DLG2: variants seen among roughly 807,000 people sequenced by gnomAD.
DLG2 encodes discs large MAGUK scaffold protein 2.
A neutral mutation model predicts 132.5 loss-of-function variants in DLG2; 45 were observed. The observed-to-expected ratio is 0.34, with a 90% CI of 0.27 to 0.44. The LOEUF (loss-of-function observed/expected upper bound fraction) is 0.44. DLG2 is among the 20% of genes least tolerant of loss of function. The probability of loss-of-function intolerance (pLI) is 1.00; values close to 1 mark genes in which losing one functional copy is unlikely to be tolerated. For synonymous variants in DLG2, 424 were observed against 419.6 expected (o/e 1.01, Z -0.13); for missense variants, 1,045 against 1,196.9 (o/e 0.87, Z 1.87).
At chr11:84,087,274 C>A (rs1370351691) in intron 10 of DLG2, among the ~76,000 whole-genome samples, 3 of 152,168 alleles carry the variant, frequency 2.0e-5, no homozygotes, top group Non-Finnish European at 4.4e-5. Context: ...TCCCACCAGG[C>A]ATGCTGAGGG....
At chr11:84,564,777 G>A (rs764335835) in intron 6 of DLG2, among the ~76,000 whole-genome samples, 4 of 152,132 alleles carry the variant, frequency 2.6e-5, no homozygotes, top group Non-Finnish European at 4.4e-5. Context: ...GTGAGTGCCT[G>A]GCTGCTGCCA....
chr11:84,290,941 G>A (rs2097985185), intron 7 of DLG2, among the ~76,000 whole-genome samples: 1 of 151,822 alleles, frequency 6.6e-6, no homozygotes, highest in South Asian at 2.1e-4. Flanking sequence ...CTAAAAATGG[G>A]GAAGAAAAGT....
At chr11:84,963,384 A>G in intron 6 of DLG2, among the ~76,000 whole-genome samples, 1 of 152,208 alleles carries the variant, frequency 6.6e-6, no homozygotes, top group Non-Finnish European at 1.5e-5. Context: ...CTCATCAGAG[A>G]GAGAGCTGCA....
intron 7 of DLG2, among the ~76,000 whole-genome samples, chr11:84,515,183 G>T (rs2154515047): frequency 6.6e-6 from 1 of 151,062 alleles, no homozygotes; most frequent in East Asian, 1.9e-4. Flanking sequence ...TCATACAATG[G>T]CAGTGAGGAG....
At chr11:84,400,028 T>C (rs1601457990) in intron 7 of DLG2, among the ~76,000 whole-genome samples, 1 of 152,206 alleles carries the variant, frequency 6.6e-6, no homozygotes, top group East Asian at 1.9e-4. Flanking sequence ...AGTTAATACA[T>C]GTTTGAAAAT....
At chr11:85,087,447 A>T (rs888710989) in intron 6 of DLG2, among the ~76,000 whole-genome samples, 3 of 152,258 alleles carry the variant, frequency 2.0e-5, no homozygotes, top group African/African-American at 7.2e-5. Flanking sequence ...CAAAGCCCTT[A>T]GGCAAGAAGC....
intron 11 of DLG2, among the ~76,000 whole-genome samples, chr11:83,984,170 A>G (rs1390307294): frequency 6.7e-6 from 1 of 149,936 alleles, no homozygotes; most frequent in Non-Finnish European, 1.5e-5. Flanking sequence ...TGAAAGCACT[A>G]TGGATACTGT....
At chr11:84,747,514 T>C (rs891946185) in intron 6 of DLG2, among the ~76,000 whole-genome samples, 2 of 152,218 alleles carry the variant, frequency 1.3e-5, no homozygotes, top group Non-Finnish European at 2.9e-5. Context: ...CTTGGGCAAC[T>C]TAGAGACATT....
chr11:84,375,382 A>G (rs557476140), intron 7 of DLG2, among the ~76,000 whole-genome samples: 1 of 152,264 alleles, frequency 6.6e-6, no homozygotes, highest in African/African-American at 2.4e-5. Flanking sequence ...TTTGAAAACA[A>G]TATATATAAA....
At chr11:84,853,341 T>C (rs193084541) in intron 6 of DLG2, among the ~76,000 whole-genome samples, 2 of 152,124 alleles carry the variant, frequency 1.3e-5, no homozygotes, top group Non-Finnish European at 2.9e-5. Context: ...AGGGAAAGTT[T>C]CTTTTTCAAT....
rs115044154 is a variant in DLG2, at chr11:83,543,622, A to G, written c.1941-1764T>C. On this transcript the variant is annotated intron_variant, in intron 19 of 27. Coordinates refer to ENST00000376104, the MANE Select transcript of DLG2 (RefSeq NM_001142699.3). ...TAATGATGACAATGATGATAGCAAT[A>G]CCTCCATTATGGAGTTGCTGTATGG... 3.5e-3 allele frequency among the ~76,000 whole-genome samples: 531 copies of G among 152,254 alleles called. 6 individuals are homozygous for G. The highest frequency in any genetic ancestry group is 0.012 in the African/African-American group (508 of 41,548).
rs181505419 is a variant in DLG2 at position 83,705,745 on chromosome 11, A to C, written c.1826-72420T>G. On this transcript the variant is annotated intron_variant, in intron 18 of 27. Transcript: ENST00000376104. ...ATTTTATTTTTTAAAATATGCCATA[A>C]AAGATTTACAGATTCTCTAGCAATG... 3.2e-4 allele frequency among the ~76,000 whole-genome samples: 48 copies of C among 152,332 alleles called. 1 individual carries two copies. Among genetic ancestry groups the C allele is most frequent in the African/African-American group, 1.1e-3 (47 of 41,580 alleles).
At position 84,862,418 on chromosome 11, in the gene DLG2, C is replaced by G. The variant is rs187123423; in HGVS notation, c.357+249243G>C. 5.9e-3 allele frequency among the ~76,000 whole-genome samples: 890 copies of G among 152,118 alleles called. 2 individuals carry two copies. Among genetic ancestry groups the G allele is most frequent in the Middle Eastern group, 0.034 (10 of 292 alleles). On this transcript the variant is annotated intron_variant, in intron 6 of 27. Transcript: ENST00000376104. Reference sequence around the variant, plus strand: ...GTTGTGGAAGACAGTGTGGCGATTCCTCAAGGATCTAGAACCAGAAATACC... The same window carrying G: ...GTTGTGGAAGACAGTGTGGCGATTCGTCAAGGATCTAGAACCAGAAATACC...
intron 6 of DLG2, among the ~76,000 whole-genome samples, chr11:84,725,291 C>T (rs894231452): frequency 1.8e-4 from 27 of 151,960 alleles, no homozygotes; most frequent in African/African-American, 4.8e-4. Context: ...CCTTATGACC[C>T]CTATAAGGAA....
At chr11:85,604,865 A>G (rs1279681387) in intron 2 of DLG2, among the ~76,000 whole-genome samples, 3 of 152,224 alleles carry the variant, frequency 2.0e-5, no homozygotes, top group Non-Finnish European at 4.4e-5. Context: ...ATAATTTGGG[A>G]CAGGTAATTT....
At chr11:85,481,115 A>G (rs2093278171) in intron 3 of DLG2, among the ~76,000 whole-genome samples, 1 of 152,208 alleles carries the variant, frequency 6.6e-6, no homozygotes, top group African/African-American at 2.4e-5. Context: ...CATATGTAAA[A>G]TCATATAAAC....
At chr11:84,259,923 C>T (rs1255735655) in intron 7 of DLG2, among the ~76,000 whole-genome samples, 2 of 152,164 alleles carry the variant, frequency 1.3e-5, no homozygotes, top group Non-Finnish European at 2.9e-5. Context: ...CTTCTGCACC[C>T]TATTAAGATT....
intron 3 of DLG2, among the ~76,000 whole-genome samples, chr11:85,403,641 A>T (rs2088420502): frequency 6.6e-6 from 1 of 151,984 alleles, no homozygotes; most frequent in Non-Finnish European, 1.5e-5. Flanking sequence ...GGGCAGGGTA[A>T]GGAAAATGCA....
intron 7 of DLG2, among the ~76,000 whole-genome samples, chr11:84,279,257 C>G (rs1445808795): frequency 2.0e-5 from 3 of 152,024 alleles, no homozygotes; most frequent in African/African-American, 7.3e-5. Flanking sequence ...AAATCAAAAC[C>G]ACAATGAGAT....
Sources: allele counts gnomAD v4.1 joint callset (sites outside exome capture counted in the v4.1 genomes callset), GRCh38; gene constraint gnomAD v4.1.1; transcripts MANE v1.5; gene names NCBI Gene and HGNC (gene_info 2026-07-23, HGNC 2026-07-21).